Variants in NOS1AP observed in about 807,000 individuals in gnomAD.
The protein encoded by NOS1AP is carboxyl-terminal PDZ ligand of neuronal nitric oxide synthase protein.
A neutral mutation model predicts 56.2 loss-of-function variants in NOS1AP; 21 were observed. The ratio of observed to expected loss-of-function variants is 0.37; its 90% CI spans 0.26 to 0.54. The LOEUF (loss-of-function observed/expected upper bound fraction) is 0.54, where lower values mean the gene tolerates loss of function less well. Among genes scored for constraint, NOS1AP ranks in the 20% least tolerant of loss-of-function variants. NOS1AP has a pLI of 0.84. For synonymous variants in NOS1AP, 270 were observed against 274.6 expected (o/e 0.98, Z 0.17); for missense variants, 522 against 657.8 (o/e 0.79, Z 2.26).
chr1:162,305,111 A>G (rs567464139), intron 4 of NOS1AP, among the ~76,000 whole-genome samples: 2 of 152,284 alleles, frequency 1.3e-5, no homozygotes, highest in Admixed American at 1.3e-4. Context: ...ACAGAATCAT[A>G]TATTTTTTAA....
intron 2 of NOS1AP, among the ~76,000 whole-genome samples, chr1:162,249,968 A>G (rs976626178): frequency 4.6e-5 from 7 of 152,288 alleles, no homozygotes; most frequent in African/African-American, 1.7e-4. Flanking sequence ...AGACATCCCT[A>G]TGTCACAAAC....
chr1:162,156,289 C>A (rs1649971287), intron 2 of NOS1AP, among the ~76,000 whole-genome samples: 1 of 152,150 alleles, frequency 6.6e-6, no homozygotes, highest in Admixed American at 6.5e-5. Context: ...CAGTTACCCT[C>A]ATTTTCTAGA....
At position 162,094,943 on chromosome 1, in the gene NOS1AP, A is replaced by G. The variant is rs1397515171; in HGVS notation, c.105+24661A>G. ...CATGTTCCAGTTGCTAGAAAGAGGGATGGGGTGTAACGGGTGGAGCAGCTG... is the reference window on the plus strand; with the variant it reads ...CATGTTCCAGTTGCTAGAAAGAGGGGTGGGGTGTAACGGGTGGAGCAGCTG... On this transcript the variant is annotated intron_variant, in intron 1 of 9. Coordinates refer to ENST00000361897, the MANE Select transcript of NOS1AP (RefSeq NM_014697.3). Among the ~76,000 whole-genome samples, 4 of 152,144 alleles carry G rather than the reference A, an allele frequency of 2.6e-5. No homozygotes were observed. In the East Asian group the frequency reaches 7.7e-4, roughly 29 times the overall value.
chr1:162,293,431 A>G (rs1255973142), intron 3 of NOS1AP, among the ~76,000 whole-genome samples: 1 of 152,196 alleles, frequency 6.6e-6, no homozygotes, highest in African/African-American at 2.4e-5. Context: ...CAAAAGGAGA[A>G]AGGACCACTG....
At chr1:162,150,149 A>T (rs766951255) in intron 1 of NOS1AP, among the ~76,000 whole-genome samples, 1 of 152,050 alleles carries the variant, frequency 6.6e-6, no homozygotes, top group Non-Finnish European at 1.5e-5. Flanking sequence ...CTTCCCACCT[A>T]CTGGTAACCA....
chr1:162,230,866 A>C (rs1375963381), intron 2 of NOS1AP, among the ~76,000 whole-genome samples: 2 of 152,170 alleles, frequency 1.3e-5, no homozygotes, highest in Non-Finnish European at 2.9e-5. Flanking sequence ...TGTAGGTAGC[A>C]TATTTTGTGT....
chr1:162,226,277 G>A (rs1304742534), intron 2 of NOS1AP, among the ~76,000 whole-genome samples: 4 of 150,842 alleles, frequency 2.7e-5, no homozygotes, highest in Non-Finnish European at 5.9e-5. Flanking sequence ...TCCAAAAAAA[G>A]AAAAGAAAAG....
chr1:162,172,849 T>C (rs1286137568), intron 2 of NOS1AP, among the ~76,000 whole-genome samples: 1 of 152,224 alleles, frequency 6.6e-6, no homozygotes, highest in African/African-American at 2.4e-5. Context: ...GAGATTCTGC[T>C]ATTCAGGCAG....
chr1:162,277,065 C>T (rs778167276), intron 2 of NOS1AP, among the ~76,000 whole-genome samples: 1 of 152,164 alleles, frequency 6.6e-6, no homozygotes, highest in Non-Finnish European at 1.5e-5. Context: ...CCAGTAGTGT[C>T]AGCATCATCT....
At chr1:162,160,625 G>C (rs1650162713) in intron 2 of NOS1AP, among the ~76,000 whole-genome samples, 1 of 152,066 alleles carries the variant, frequency 6.6e-6, no homozygotes, top group East Asian at 1.9e-4. Context: ...CTTTGTCCAG[G>C]AGTCACTTTA....
rs1458293527 is a variant in NOS1AP at position 162,104,129 on chromosome 1, T to G, written c.105+33847T>G. Among the ~76,000 whole-genome samples the G allele has an allele frequency of 1.2e-4, 18 of 152,244 alleles. 1 individual carries two copies. Among genetic ancestry groups the G allele is most frequent in the Admixed American group, 1.2e-3 (18 of 15,292 alleles). On this transcript the variant is annotated intron_variant, in intron 1 of 9. Transcript: ENST00000361897. Reference sequence around the variant, plus strand: ...GGTGACAAATTCCCTCAGCATTTGCTTATCTGAAAAGGATCTTATTTCTCC... The same window carrying G: ...GGTGACAAATTCCCTCAGCATTTGCGTATCTGAAAAGGATCTTATTTCTCC...
intron 2 of NOS1AP, among the ~76,000 whole-genome samples, chr1:162,258,765 C>T (rs1348377271): frequency 6.6e-6 from 1 of 152,066 alleles, no homozygotes; most frequent in Non-Finnish European, 1.5e-5. Context: ...GTGAGAGTGC[C>T]CACAAACCAG....
Position 162,081,774 on chromosome 1 carries a change from A to ATAGATATATATAT in NOS1AP, c.105+11493_105+11494insAGATATATATATT. Among the ~76,000 whole-genome samples the ATAGATATATATAT allele has an allele frequency of 4.5e-5, 2 of 44,060 alleles. 1 individual carries two copies. Among genetic ancestry groups the ATAGATATATATAT allele is most frequent in the East Asian group, 1.2e-3 (2 of 1,716 alleles). The allele number at this position is 44,060 out of a possible 152,430, so 28.9% of individuals were successfully genotyped here. On this transcript the variant is annotated intron_variant, in intron 1 of 9. Transcript: ENST00000361897. ...TCTATAGATATATATATATATATAT[A>ATAGATATATATAT]TTTTTTTTTTGTAGAGATGGGTTTT...
chr1:162,340,838 T>C (rs1657086720), intron 5 of NOS1AP, among the ~76,000 whole-genome samples: 1 of 152,218 alleles, frequency 6.6e-6, no homozygotes, highest in Non-Finnish European at 1.5e-5. Flanking sequence ...TGAAGTGTTA[T>C]CAATATTAAC....
At chr1:162,355,137 T>C in intron 6 of NOS1AP, 50 bp from the exon 7 acceptor site, 1 of 1,606,424 alleles carries the variant, frequency 6.2e-7, no homozygotes, top group South Asian at 1.1e-5. Context: ...AGGAGGACTT[T>C]GTTCTCGGTG....
chr1:162,164,025 A>G (rs1170967792), intron 2 of NOS1AP, among the ~76,000 whole-genome samples: 6 of 152,308 alleles, frequency 3.9e-5, no homozygotes, highest in African/African-American at 1.4e-4. Context: ...GTTGTTGTCA[A>G]AGCAAAACAG....
At chr1:162,123,730 C>T (rs915839649) in intron 1 of NOS1AP, among the ~76,000 whole-genome samples, 2 of 152,172 alleles carry the variant, frequency 1.3e-5, no homozygotes, top group Non-Finnish European at 2.9e-5. Flanking sequence ...ATTTACCCTT[C>T]ACCCCGCTTT....
chr1:162,235,459 G>T (rs1249668392), intron 2 of NOS1AP, among the ~76,000 whole-genome samples: 1 of 152,186 alleles, frequency 6.6e-6, no homozygotes, highest in Non-Finnish European at 1.5e-5. Flanking sequence ...CACCTTGCAG[G>T]TCCTCACTGT....
At chr1:162,203,524 G>T (rs1394971567) in intron 2 of NOS1AP, among the ~76,000 whole-genome samples, 1 of 152,134 alleles carries the variant, frequency 6.6e-6, no homozygotes, top group African/African-American at 2.4e-5. Flanking sequence ...AGGAGTGTGG[G>T]AATCACACAG....
Sources: allele counts gnomAD v4.1 joint callset (sites outside exome capture counted in the v4.1 genomes callset), GRCh38; gene constraint gnomAD v4.1.1; transcripts MANE v1.5; gene names NCBI Gene and HGNC (gene_info 2026-07-23, HGNC 2026-07-21).